The following CFAP299 variants were observed in gnomAD, a reference collection of about 807,000 sequenced individuals.
CFAP299 encodes the protein cilia- and flagella-associated protein 299.
CFAP299 carries 21 observed loss-of-function variants against 27.0 expected under a neutral mutation model. That is an observed-to-expected ratio of 0.78 (90% CI 0.55 to 1.12). The LOEUF (loss-of-function observed/expected upper bound fraction) is 1.12, where lower values mean the gene tolerates loss of function less well. Ranked by LOEUF, CFAP299 falls within the 50% of genes most tolerant of loss-of-function variation. The pLI is 0.00. For synonymous variants in CFAP299, 104 were observed against 98.1 expected (o/e 1.06, Z -0.36); for missense variants, 310 against 276.6 (o/e 1.12, Z -0.86).
intron 3 of CFAP299, among the ~76,000 whole-genome samples, chr4:80,791,280 C>A (rs1727552613): frequency 6.6e-6 from 1 of 151,814 alleles, no homozygotes; most frequent in South Asian, 2.1e-4. Flanking sequence ...TCTTTAAGGT[C>A]ATATAGAGTA....
At chr4:80,350,487 A>G (rs1722962434) in intron 1 of CFAP299, among the ~76,000 whole-genome samples, 1 of 152,234 alleles carries the variant, frequency 6.6e-6, no homozygotes, top group Non-Finnish European at 1.5e-5. Context: ...ATGCACATAT[A>G]TGTTTATTGC....
intron 2 of CFAP299, among the ~76,000 whole-genome samples, chr4:80,392,690 C>T (rs1725551764): frequency 6.6e-6 from 1 of 151,994 alleles, no homozygotes; most frequent in South Asian, 2.1e-4. Context: ...AAACTTCTTC[C>T]CTTTATAAAT....
At chr4:80,657,826 GC>G (rs777782891) in intron 3 of CFAP299, among the ~76,000 whole-genome samples, 4 of 152,056 alleles carry the variant, frequency 2.6e-5, no homozygotes, top group African/African-American at 4.8e-5. Context: ...GGGCAGGATG[GC>G]CATTTTCATG....
At chr4:80,386,599 G>GA in intron 2 of CFAP299, 1 of 1,598,190 alleles carries the variant, frequency 6.3e-7, no homozygotes, top group Non-Finnish European at 8.6e-7. Context: ...ATTTGTGGCG[G>GA]AAAAAGCCCT....
At chr4:80,821,687 T>G (rs1683806752) in intron 3 of CFAP299, among the ~76,000 whole-genome samples, 1 of 152,158 alleles carries the variant, frequency 6.6e-6, no homozygotes. Context: ...CTGTACAGGC[T>G]TTATTTTCAT....
At chr4:80,579,371 T>C (rs1051196623) in intron 2 of CFAP299, among the ~76,000 whole-genome samples, 1 of 152,166 alleles carries the variant, frequency 6.6e-6, no homozygotes, top group Non-Finnish European at 1.5e-5. Flanking sequence ...GACTAAGAAA[T>C]GTGGTCTTTA....
chr4:80,669,891 T>TA (rs753391119), intron 3 of CFAP299, among the ~76,000 whole-genome samples: 348 of 152,014 alleles, frequency 2.3e-3, no homozygotes, highest in Non-Finnish European at 3.6e-3. Context: ...TTTTTTATTA[T>TA]AAAAAAACCC....
chr4:80,458,119 A>G lies in CFAP299; in HGVS notation c.242+95235A>G, dbSNP rs988261518. Among the ~76,000 whole-genome samples the G allele has an allele frequency of 1.2e-4, 18 of 152,198 alleles. No homozygotes were observed. In the East Asian group the frequency reaches 3.5e-3, roughly 29 times the overall value. On this transcript the variant is annotated intron_variant, in intron 2 of 5. Coordinates refer to ENST00000358105, the MANE Select transcript of CFAP299 (RefSeq NM_152770.3). ...TTTATACTCCAGAAAAAAAAGAAAG[A>G]GAGACTCAGGGAAAAATGGAAAAAC...
rs1227978425 is a variant in CFAP299 at position 80,592,698 on chromosome 4, G to A, written c.333+9515G>A. The stretch of plus-strand genomic sequence containing the variant: ...CTCTTTAAAATTTATGAAAATTATG[G>A]CTCAATCTATTTTGCAAAGCATGAT... On this transcript the variant is annotated intron_variant, in intron 3 of 5. Coordinates refer to ENST00000358105, the MANE Select transcript of CFAP299 (RefSeq NM_152770.3). Among the ~76,000 whole-genome samples, 3 of 152,142 alleles carry A rather than the reference G, an allele frequency of 2.0e-5. No individual in the cohort carries two copies. In the East Asian group the frequency reaches 5.8e-4, roughly 29 times the overall value.
At chr4:80,335,634 A>C, upstream of CFAP299, 1 of 677,616 alleles carries the variant, frequency 1.5e-6, no homozygotes, top group South Asian at 1.5e-5. Context: ...AAACTGCAAC[A>C]AACCGCCGGG....
intron 3 of CFAP299, among the ~76,000 whole-genome samples, chr4:80,755,907 A>G (rs1230328526): frequency 6.6e-6 from 1 of 152,098 alleles, no homozygotes; most frequent in African/African-American, 2.4e-5. Context: ...ATCATAAGAA[A>G]TATTTGAGAG....
At chr4:80,707,837 G>C (rs1235828098) in intron 3 of CFAP299, among the ~76,000 whole-genome samples, 1 of 152,042 alleles carries the variant, frequency 6.6e-6, no homozygotes, top group Non-Finnish European at 1.5e-5. Context: ...GGGTAAATGA[G>C]TATTCCATTG....
intron 2 of CFAP299, among the ~76,000 whole-genome samples, chr4:80,425,752 G>A (rs1727499932): frequency 1.3e-5 from 2 of 152,192 alleles, no homozygotes; most frequent in South Asian, 4.1e-4. Context: ...CATATTCACT[G>A]TTTAAAAACA....
chr4:80,951,321 G>C (rs1386172679), intron 5 of CFAP299, among the ~76,000 whole-genome samples: 1 of 152,146 alleles, frequency 6.6e-6, no homozygotes, highest in Non-Finnish European at 1.5e-5. Flanking sequence ...CATGCTGAGT[G>C]TCACAAGGTT....
intron 3 of CFAP299, among the ~76,000 whole-genome samples, chr4:80,722,325 G>A (rs1484876338): frequency 6.6e-6 from 1 of 151,806 alleles, no homozygotes; most frequent in African/African-American, 2.4e-5. Context: ...GCTGAGGCAG[G>A]AGAATCGCTT....
chr4:80,361,995 A>G (rs1723571037), intron 1 of CFAP299, among the ~76,000 whole-genome samples: 1 of 152,134 alleles, frequency 6.6e-6, no homozygotes, highest in Non-Finnish European at 1.5e-5. Flanking sequence ...TAATAACTTT[A>G]TGAAAAATGG....
At chr4:80,912,600 A>C (rs1385479877) in intron 4 of CFAP299, among the ~76,000 whole-genome samples, 2 of 152,154 alleles carry the variant, frequency 1.3e-5, no homozygotes, top group Non-Finnish European at 2.9e-5. Flanking sequence ...GACCACAGAC[A>C]AGGGAGAGGT....
rs1741181092 is a variant in CFAP299 at position 80,667,156 on chromosome 4, CAT to C, written c.333+83975_333+83976del. 2.0e-5 allele frequency among the ~76,000 whole-genome samples: 3 copies of C among 152,254 alleles called. No individual in the cohort carries two copies. The South Asian group carries it at 6.2e-4, about 32-fold the overall frequency. ...CATTCTTTATCCCCATAAGAAAAGT[CAT>C]AGTGTTTGAATTATTTGTTTTTTTA... On this transcript the variant is annotated intron_variant, in intron 3 of 5. Coordinates refer to ENST00000358105, the MANE Select transcript of CFAP299 (RefSeq NM_152770.3).
At chr4:80,408,362 A>G (rs1433134334) in intron 2 of CFAP299, among the ~76,000 whole-genome samples, 1 of 152,172 alleles carries the variant, frequency 6.6e-6, no homozygotes, top group African/African-American at 2.4e-5. Flanking sequence ...CCGAATCACT[A>G]AATATGTTGA....
Sources: gnomAD v4.1 joint callset for allele counts (sites outside exome capture counted in the v4.1 genomes callset) on GRCh38, gnomAD v4.1.1 for gene constraint, MANE v1.5 for transcripts, NCBI Gene and HGNC (gene_info 2026-07-23, HGNC 2026-07-21) for gene names.